Variants in MDGA2 observed in about 807,000 individuals in gnomAD.
MDGA2 encodes the protein MAM domain-containing glycosylphosphatidylinositol anchor protein 2.
MDGA2 carries 40 observed loss-of-function variants against 117.8 expected under a neutral mutation model. The ratio of observed to expected loss-of-function variants is 0.34; its 90% CI spans 0.26 to 0.44. MDGA2 has a LOEUF of 0.44. Among genes scored for constraint, MDGA2 ranks in the 20% least tolerant of loss-of-function variants. The pLI, the probability that MDGA2 is intolerant of heterozygous loss-of-function variation, is 1.00. For synonymous variants in MDGA2, 452 were observed against 439.0 expected (o/e 1.03, Z -0.37); for missense variants, 1,123 against 1,250.6 (o/e 0.90, Z 1.54).
At chr14:46,964,818 T>G (rs1027215210) in intron 8 of MDGA2, among the ~76,000 whole-genome samples, 3 of 152,076 alleles carry the variant, frequency 2.0e-5, no homozygotes, top group Non-Finnish European at 4.4e-5. Context: ...TTGTAGCTAT[T>G]TTTTTTCTTC....
intron 1 of MDGA2, among the ~76,000 whole-genome samples, chr14:47,500,781 G>T (rs1894383365): frequency 6.6e-6 from 1 of 152,108 alleles, no homozygotes; most frequent in Non-Finnish European, 1.5e-5. Flanking sequence ...ACTGTAGTTA[G>T]TTAGAAGCAA....
intron 1 of MDGA2, among the ~76,000 whole-genome samples, chr14:47,586,370 T>A (rs1478668873): frequency 6.6e-6 from 1 of 151,892 alleles, no homozygotes; most frequent in Non-Finnish European, 1.5e-5. Context: ...TTCAGTGGTA[T>A]CTAAAACTTT....
rs1894424570 is a variant in MDGA2, at chr14:47,502,728, G to A, written c.280+171789C>T. On this transcript the variant is annotated intron_variant, in intron 1 of 16. Transcript: ENST00000399232. ...GTGTCACCCAGTCTGTAGTTGAAGT[G>A]CAGTGGCGTGATCATAGATCACTGC... Among the ~76,000 whole-genome samples, 6 of 152,174 alleles carry A rather than the reference G, an allele frequency of 3.9e-5. No homozygotes were observed. In the South Asian group the frequency reaches 1.2e-3, roughly 32 times the overall value.
chr14:47,353,565 T>C (rs762849395), intron 1 of MDGA2, among the ~76,000 whole-genome samples: 1 of 152,128 alleles, frequency 6.6e-6, no homozygotes, highest in African/African-American at 2.4e-5. Flanking sequence ...TAAAACGAGA[T>C]TGTACGAAGG....
chr14:46,952,920 A>G (rs1885420781), intron 9 of MDGA2, among the ~76,000 whole-genome samples: 1 of 151,984 alleles, frequency 6.6e-6, no homozygotes, highest in Admixed American at 6.6e-5. Context: ...CCTATAGGCA[A>G]TGAACAGAAT....
intron 3 of MDGA2, among the ~76,000 whole-genome samples, chr14:47,215,995 C>T (rs1290359248): frequency 6.6e-6 from 1 of 152,018 alleles, no homozygotes; most frequent in Non-Finnish European, 1.5e-5. Flanking sequence ...AGGAGTCAAA[C>T]TTTAGAAGGC....
chr14:46,843,142 G>GA (rs146641313), intron 16 of MDGA2, among the ~76,000 whole-genome samples: 23 of 147,390 alleles, frequency 1.6e-4, no homozygotes, highest in South Asian at 2.1e-4. Flanking sequence ...TAGTTTAAGA[G>GA]AAAAAAAAAA....
At chr14:47,266,937 T>C (rs1887984791) in intron 2 of MDGA2, among the ~76,000 whole-genome samples, 1 of 152,224 alleles carries the variant, frequency 6.6e-6, no homozygotes, top group Non-Finnish European at 1.5e-5. Context: ...CACTAATTCA[T>C]AATTTTCCTG....
Position 47,521,860 on chromosome 14 carries a change from C to T in MDGA2, c.280+152657G>A, listed in dbSNP as rs191569629. Among the ~76,000 whole-genome samples the T allele has an allele frequency of 1.9e-3, 291 of 151,800 alleles. 2 individuals are homozygous for T. In the East Asian group the frequency reaches 0.043, roughly 22 times the overall value. ...CTAATTTTTGTATTTTTAGTAGAGACGAGGTTTCACCATGTTGGCCAGGCT... is the reference window on the plus strand; with the variant it reads ...CTAATTTTTGTATTTTTAGTAGAGATGAGGTTTCACCATGTTGGCCAGGCT... On this transcript the variant is annotated intron_variant, in intron 1 of 16. Coordinates refer to ENST00000399232, the MANE Select transcript of MDGA2 (RefSeq NM_001113498.3).
At chr14:47,224,318 T>TAGATATAGATAC (rs1182118805) in intron 2 of MDGA2, among the ~76,000 whole-genome samples, 1 of 151,994 alleles carries the variant, frequency 6.6e-6, no homozygotes, top group Non-Finnish European at 1.5e-5. Context: ...GATATAGATA[T>TAGATATAGATAC]AGATATAGAT....
chr14:47,044,821 C>T (rs954337320), intron 7 of MDGA2, among the ~76,000 whole-genome samples: 6 of 152,238 alleles, frequency 3.9e-5, no homozygotes, highest in African/African-American at 1.2e-4. Context: ...GAAATGTCCA[C>T]GCATACACAC....
chr14:47,356,391 C>T (rs1890994067), intron 1 of MDGA2, among the ~76,000 whole-genome samples: 1 of 152,156 alleles, frequency 6.6e-6, no homozygotes, highest in East Asian at 1.9e-4. Context: ...CCTGTCTTTT[C>T]CTTATGCTTC....
At chr14:46,983,967 C>G (rs1034929187) in intron 8 of MDGA2, among the ~76,000 whole-genome samples, 1 of 151,790 alleles carries the variant, frequency 6.6e-6, no homozygotes, top group Non-Finnish European at 1.5e-5. Flanking sequence ...TTAATTATAA[C>G]TAATCTGATT....
At chr14:47,246,370 A>T (rs1887237424) in intron 2 of MDGA2, among the ~76,000 whole-genome samples, 1 of 151,756 alleles carries the variant, frequency 6.6e-6, no homozygotes, top group South Asian at 2.1e-4. Flanking sequence ...AAAAAATAAG[A>T]GGCATTTGAA....
At chr14:47,391,505 C>T (rs1039259601) in intron 1 of MDGA2, among the ~76,000 whole-genome samples, 4 of 152,098 alleles carry the variant, frequency 2.6e-5, no homozygotes, top group Admixed American at 1.3e-4. Context: ...CTGTGGATGC[C>T]GGTTAGTCGG....
At chr14:47,081,699 C>T (rs559263556) in intron 6 of MDGA2, among the ~76,000 whole-genome samples, 28 of 152,130 alleles carry the variant, frequency 1.8e-4, no homozygotes, top group Admixed American at 1.4e-3. Context: ...AAATTATCAC[C>T]GGAAAAAGAC....
intron 8 of MDGA2, among the ~76,000 whole-genome samples, chr14:47,001,398 C>T (rs1396633844): frequency 6.6e-6 from 1 of 151,924 alleles, no homozygotes; most frequent in Non-Finnish European, 1.5e-5. Flanking sequence ...AAAAGAAACA[C>T]TAAGCACTAT....
intron 3 of MDGA2, among the ~76,000 whole-genome samples, chr14:47,172,706 G>C (rs1265397411): frequency 2.6e-5 from 4 of 152,218 alleles, no homozygotes; most frequent in East Asian, 3.9e-4. Context: ...GGAAAAAACA[G>C]AGCAGAAAAA....
intron 1 of MDGA2, among the ~76,000 whole-genome samples, chr14:47,387,392 AC>A (rs1891786210): frequency 6.8e-6 from 1 of 147,276 alleles, no homozygotes; most frequent in Non-Finnish European, 1.5e-5. Flanking sequence ...AGTTGTTATG[AC>A]CCTATCACGC....
Sources: gnomAD v4.1 joint callset for allele counts (sites outside exome capture counted in the v4.1 genomes callset) on GRCh38, gnomAD v4.1.1 for gene constraint, MANE v1.5 for transcripts, NCBI Gene and HGNC (gene_info 2026-07-23, HGNC 2026-07-21) for gene names.